The following ANXA4 variants were observed in gnomAD, a reference collection of about 807,000 sequenced individuals.
ANXA4 encodes annexin A4, also known as 35-beta calcimedin.
Under a neutral mutation model 49.8 loss-of-function variants are expected in ANXA4, and 39 were observed. The ratio of observed to expected loss-of-function variants is 0.78; its 90% confidence interval spans 0.61 to 1.02. The LOEUF (loss-of-function observed/expected upper bound fraction) is 1.02. Among genes scored for constraint, ANXA4 ranks in the 50% least tolerant of loss-of-function variants. ANXA4 has a pLI of 0.00. For missense variants in ANXA4, 360 were observed against 410.1 expected (o/e 0.88, Z 1.05); for synonymous variants, 134 against 152.5 (o/e 0.88, Z 0.89).
At chr2:69,819,018 T>A (rs1224658574) in intron 10 of ANXA4, among the ~76,000 whole-genome samples, 1 of 152,224 alleles carries the variant, frequency 6.6e-6, no homozygotes, top group Non-Finnish European at 1.5e-5. Context: ...CAGTAATCCT[T>A]ATTTTGAAAT....
chr2:69,663,334 T>C (rs1676804315), intron 2 of ANXA4, among the ~76,000 whole-genome samples: 1 of 121,914 alleles, frequency 8.2e-6, no homozygotes, highest in Admixed American at 1.0e-4. Context: ...TTTTGCTAAA[T>C]ATAGCACACT....
chr2:69,781,176 T>C (rs1672185137), intron 1 of ANXA4: 1 of 241,928 alleles, frequency 4.1e-6, no homozygotes, highest in Non-Finnish European at 8.0e-6. Flanking sequence ...AGGGGGAACC[T>C]CTTCTGATCT....
At chr2:69,794,248 T>G (rs1672822823) in intron 3 of ANXA4, among the ~76,000 whole-genome samples, 1 of 152,176 alleles carries the variant, frequency 6.6e-6, no homozygotes, top group Admixed American at 6.5e-5. Context: ...CCTGTTACAT[T>G]GTGTGGGGTT....
At chr2:69,757,692 C>G (rs1411020183) in intron 1 of ANXA4, among the ~76,000 whole-genome samples, 1 of 151,910 alleles carries the variant, frequency 6.6e-6, no homozygotes, top group Non-Finnish European at 1.5e-5. Flanking sequence ...GGTGGGGTGG[C>G]TCACGCCTGT....
intron 1 of ANXA4, among the ~76,000 whole-genome samples, chr2:69,777,804 C>G (rs952438615): frequency 4.6e-5 from 7 of 152,202 alleles, no homozygotes; most frequent in African/African-American, 1.7e-4. Flanking sequence ...CTCAGAGATG[C>G]CTTCCGGATC....
At chr2:69,746,681 T>C (rs1198101481) in intron 1 of ANXA4, among the ~76,000 whole-genome samples, 1 of 152,146 alleles carries the variant, frequency 6.6e-6, no homozygotes, top group Non-Finnish European at 1.5e-5. Context: ...GCCATAATGC[T>C]TCTTGGTCCA....
At chr2:69,779,631 A>G (rs1261131473) in intron 1 of ANXA4, among the ~76,000 whole-genome samples, 1 of 152,186 alleles carries the variant, frequency 6.6e-6, no homozygotes, top group Non-Finnish European at 1.5e-5. Flanking sequence ...AAAGTACAGT[A>G]CCTTGTTAAA....
chr2:69,660,175 G>T (rs960067646), intron 2 of ANXA4, among the ~76,000 whole-genome samples: 6 of 152,272 alleles, frequency 3.9e-5, no homozygotes, highest in Non-Finnish European at 7.4e-5. Context: ...AAGAATTTCT[G>T]CAGAGTCATT....
chr2:69,674,339 G>C (rs1358197524), intron 2 of ANXA4: 2 of 152,110 alleles, frequency 1.3e-5, no homozygotes, highest in African/African-American at 4.8e-5. Flanking sequence ...AGATTCTGCT[G>C]TTTTTTTCCT....
At chr2:69,665,223 A>G (rs1023905562) in intron 2 of ANXA4, among the ~76,000 whole-genome samples, 2 of 152,218 alleles carry the variant, frequency 1.3e-5, no homozygotes, top group African/African-American at 4.8e-5. Flanking sequence ...ATATAAGTAC[A>G]TGAAACCACC....
intron 1 of ANXA4, among the ~76,000 whole-genome samples, chr2:69,771,289 C>T (rs1406814668): frequency 1.3e-5 from 2 of 151,966 alleles, no homozygotes; most frequent in Non-Finnish European, 1.5e-5. Flanking sequence ...ATCTGACCCC[C>T]GACCACTGGC....
intron 2 of ANXA4, among the ~76,000 whole-genome samples, chr2:69,660,885 A>G (rs1676689879): frequency 6.6e-6 from 1 of 152,018 alleles, no homozygotes; most frequent in Admixed American, 6.6e-5. Context: ...AGGGAGGGGG[A>G]AGATGACAAT....
At chr2:69,757,262 ATATATTTTTT>A (rs1559150323) in intron 1 of ANXA4, among the ~76,000 whole-genome samples, 2 of 50,260 alleles carry the variant, frequency 4.0e-5, no homozygotes, top group East Asian at 7.4e-4. Flanking sequence ...ATATATATAT[ATATATTTTTT>A]TTTTTTTTTT....
At chr2:69,767,514 G>T (rs372845762) in intron 1 of ANXA4, among the ~76,000 whole-genome samples, 7 of 152,302 alleles carry the variant, frequency 4.6e-5, no homozygotes, top group African/African-American at 1.7e-4. Context: ...CCTTTTAGCT[G>T]GAGATGGCAA....
At chr2:69,798,656 A>G (rs943820760) in intron 3 of ANXA4, among the ~76,000 whole-genome samples, 18 of 152,242 alleles carry the variant, frequency 1.2e-4, no homozygotes, top group Non-Finnish European at 2.4e-4. Context: ...TGAGTCTTCA[A>G]GACTGGTGGC....
At chr2:69,743,302 C>T (rs1573179067) in intron 1 of ANXA4, among the ~76,000 whole-genome samples, 2 of 152,252 alleles carry the variant, frequency 1.3e-5, no homozygotes, top group South Asian at 4.1e-4. Context: ...ACTGCAACCT[C>T]CGCCTTCTGG....
At chr2:69,686,113 G>A (rs757643719) in intron 2 of ANXA4, among the ~76,000 whole-genome samples, 4 of 152,100 alleles carry the variant, frequency 2.6e-5, no homozygotes, top group Admixed American at 6.6e-5. Flanking sequence ...ATATCTAATT[G>A]TAGGCTTATG....
chr2:69,731,809 G>A (rs1670105335), intron 3 of ANXA4, among the ~76,000 whole-genome samples: 1 of 152,054 alleles, frequency 6.6e-6, no homozygotes, highest in Non-Finnish European at 1.5e-5. Flanking sequence ...TGATGCAAAT[G>A]ATGAACCTCC....
At chr2:69,762,776 G>C (rs1276466440) in intron 1 of ANXA4, among the ~76,000 whole-genome samples, 3 of 151,950 alleles carry the variant, frequency 2.0e-5, no homozygotes. Context: ...CTCAGGGTAG[G>C]GTGTTCTGAA....
Sources: allele counts gnomAD v4.1 joint callset (sites outside exome capture counted in the v4.1 genomes callset), GRCh38; gene constraint gnomAD v4.1.1; transcripts MANE v1.5; gene names NCBI Gene and HGNC (gene_info 2026-07-23, HGNC 2026-07-21).